Variants in TRPM6 observed in about 807,000 individuals in gnomAD.
TRPM6 encodes the protein channel kinase 2.
TRPM6 carries 111 observed loss-of-function variants against 247.6 expected under a neutral mutation model. That is an observed-to-expected ratio of 0.45 (90% CI 0.38 to 0.52). The LOEUF (loss-of-function observed/expected upper bound fraction) is 0.52, where lower values mean the gene tolerates loss of function less well. Ranked by LOEUF, TRPM6 falls within the 20% of genes least tolerant of loss-of-function variation. TRPM6 has a pLI of 0.00. For synonymous variants in TRPM6, 892 were observed against 853.8 expected, an observed-to-expected ratio of 1.04 and a Z score of -0.78; for missense variants, 2,126 against 2,421.5, an observed-to-expected ratio of 0.88 and a Z score of 2.56.
At chr9:74,774,540 T>C (rs1410249705) in intron 24 of TRPM6, among the ~76,000 whole-genome samples, 2 of 152,146 alleles carry the variant, frequency 1.3e-5, no homozygotes, top group Non-Finnish European at 2.9e-5. Flanking sequence ...CAGAGTCACC[T>C]ACCACCAGCA....
intron 3 of TRPM6, among the ~76,000 whole-genome samples, chr9:74,851,373 A>T (rs1483959047): frequency 6.6e-6 from 1 of 152,184 alleles, no homozygotes; most frequent in Non-Finnish European, 1.5e-5. Context: ...TTAGAAACAA[A>T]GAATAAAATA....
chr9:74,881,115 C>T (rs1010112034), intron 1 of TRPM6, among the ~76,000 whole-genome samples: 5 of 151,776 alleles, frequency 3.3e-5, no homozygotes, highest in East Asian at 3.9e-4. Flanking sequence ...GTCAACGTAG[C>T]GAGATCCCAT....
chr9:74,885,405 G>C (rs1333341), intron 1 of TRPM6, among the ~76,000 whole-genome samples: 62,315 of 151,890 alleles, frequency 0.41, 13,381 homozygotes, highest in East Asian at 0.5. Context: ...TAGAGATACA[G>C]ACAAATAGTA....
chr9:74,868,608 C>A (rs1352140847), intron 1 of TRPM6, among the ~76,000 whole-genome samples: 1 of 152,180 alleles, frequency 6.6e-6, no homozygotes, highest in African/African-American at 2.4e-5. Flanking sequence ...ATAAATGTTA[C>A]AATCGTAGGC....
rs1474006865 is a variant in TRPM6, at chr9:74,722,791, C to T, written c.*1822G>A. On this transcript the variant is annotated 3_prime_UTR_variant, in exon 39 of 39. Coordinates refer to ENST00000360774, the MANE Select transcript of TRPM6 (RefSeq NM_017662.5). ...CAAGTAAAAGGGGAATAAATTAGCC[C>T]TTGTGGAACTCAAACTTACAAGAAT... 3 of 152,198 alleles carry T rather than the reference C, an allele frequency of 2.0e-5. No individual in the cohort carries two copies. Among genetic ancestry groups the T allele is most frequent in the Non-Finnish European group, 4.4e-5 (3 of 68,040 alleles). 9.4% of individuals were successfully genotyped at this position (152,198 alleles called of 1,614,324 possible). A position where few individuals can be genotyped will look rare whatever the true frequency, so the allele number is the denominator to read the frequency against.
At chr9:74,817,450 C>T (rs1320236932) in intron 9 of TRPM6, among the ~76,000 whole-genome samples, 1 of 152,186 alleles carries the variant, frequency 6.6e-6, no homozygotes, top group Non-Finnish European at 1.5e-5. Flanking sequence ...CTCAGCCTCC[C>T]AAAGTGCTGG....
intron 6 of TRPM6, among the ~76,000 whole-genome samples, chr9:74,830,652 C>A (rs1375261031): frequency 1.3e-5 from 2 of 151,960 alleles, no homozygotes; most frequent in Non-Finnish European, 2.9e-5. Flanking sequence ...TCACAGCTCA[C>A]CACAACCTCA....
At chr9:74,878,430 T>A (rs147460481) in intron 1 of TRPM6, among the ~76,000 whole-genome samples, 8 of 152,274 alleles carry the variant, frequency 5.3e-5, no homozygotes, top group African/African-American at 1.7e-4. Context: ...CTGGCCCATC[T>A]TATGTCCCCA....
At chr9:74,788,048 A>T (rs114851488) in intron 20 of TRPM6, among the ~76,000 whole-genome samples, 1 of 151,930 alleles carries the variant, frequency 6.6e-6, no homozygotes, top group African/African-American at 2.4e-5. Context: ...CTCATTACGA[A>T]CTAGAAATTT....
At chr9:74,862,096 GAAAA>G (rs577562437) in intron 1 of TRPM6, among the ~76,000 whole-genome samples, 33 of 100,538 alleles carry the variant, frequency 3.3e-4, no homozygotes, top group African/African-American at 1.2e-3. Context: ...AAAACTACCA[GAAAA>G]AAAAAAAAAA....
chr9:74,839,893 G>GGAAGGAAT (rs1829864503), intron 5 of TRPM6, 131 bp downstream of exon 5: 2 of 553,958 alleles, frequency 3.6e-6, no homozygotes, highest in African/African-American at 4.1e-5. Context: ...AAGGAAGGAA[G>GGAAGGAAT]GAGGGAGGGA....
rs552606670 is a variant in TRPM6, at chr9:74,844,996, A to G, written c.153-2653T>C. 1.7e-3 allele frequency among the ~76,000 whole-genome samples: 261 copies of G among 152,366 alleles called. 1 individual carries two copies. Among genetic ancestry groups the G allele is most frequent in the African/African-American group, 5.3e-3 (220 of 41,582 alleles). The stretch of plus-strand genomic sequence containing the variant: ...GACAGGATCGGTCAGTGGAATAGTC[A>G]GAACATATATAACATTTATCTAATT... On this transcript the variant is annotated intron_variant, in intron 3 of 38. Coordinates refer to ENST00000360774, the MANE Select transcript of TRPM6 (RefSeq NM_017662.5).
In TRPM6 at chr9:74,762,160, G is replaced by C. The variant is rs777681761; in HGVS notation, c.4511C>G (p.Thr1504Arg). ...GCATTCACTACTCTGGGCCGATCTTGTTGAGTTATCAGATAGGGAGCTGTC... is the reference window on the plus strand; with the variant it reads ...GCATTCACTACTCTGGGCCGATCTTCTTGAGTTATCAGATAGGGAGCTGTC... ...AQDSSLSDNSTRSAQSSECSE... is the reference protein window; with the variant it reads ...AQDSSLSDNSRRSAQSSECSE... The change falls in exon 26 of 39, where the codon ACA becomes AGA. Residue 1504 changes from threonine (T) to arginine (R), a missense_variant. By Grantham distance (71) the Thr-to-Arg change is moderately conservative (BLOSUM62 -1). Coordinates refer to ENST00000360774, the MANE Select transcript of TRPM6 (RefSeq NM_017662.5). The C allele has an allele frequency of 1.1e-5, 18 of 1,614,112 alleles. No individual in the cohort carries two copies. The highest frequency in any genetic ancestry group is 1.5e-5 in the Non-Finnish European group (18 of 1,180,038).
intron 6 of TRPM6, among the ~76,000 whole-genome samples, chr9:74,828,874 T>TA (rs760934573): frequency 3.9e-5 from 6 of 151,980 alleles, no homozygotes; most frequent in Non-Finnish European, 8.8e-5. Context: ...TTCAAATCAT[T>TA]AAAAAACAGT....
At chr9:74,787,711 T>C (rs1345443819) in intron 20 of TRPM6, among the ~76,000 whole-genome samples, 3 of 152,304 alleles carry the variant, frequency 2.0e-5, no homozygotes, top group Non-Finnish European at 4.4e-5. Flanking sequence ...TGCTAGTTTT[T>C]GGTTTTGTTT....
At position 74,724,761 on chromosome 9, in the gene TRPM6, A is replaced by T. The variant is rs376014459; in HGVS notation, c.5936-15T>A. 6.2e-7 allele frequency: 1 copy of T among 1,613,954 alleles called. No homozygotes were observed. The highest frequency in any genetic ancestry group is 8.5e-7 in the Non-Finnish European group (1 of 1,180,008). On this transcript the variant is annotated splice_polypyrimidine_tract_variant and intron_variant, in intron 38 of 38. Transcript: ENST00000360774. ...TCTTTTTAAATCTGCAAGGAGGACA[A>T]GTAAAAAGGTTATAGTGGAACCCCA...
chr9:74,768,362 G>A (rs1826900115), intron 25 of TRPM6, among the ~76,000 whole-genome samples: 2 of 152,190 alleles, frequency 1.3e-5, no homozygotes, highest in Admixed American at 1.3e-4. Context: ...ACAATAGGCA[G>A]ATGACTCCTA....
intron 16 of TRPM6, among the ~76,000 whole-genome samples, 179 bp from the exon 17 acceptor site, chr9:74,800,661 TA>T (rs1828294055): frequency 6.7e-6 from 1 of 149,870 alleles, no homozygotes; most frequent in East Asian, 2.0e-4. Context: ...AGCAACTTAA[TA>T]ATCTTAGTTT....
Position 74,762,833 on chromosome 9 carries a change from A to C in TRPM6, c.3838T>G (p.Ser1280Ala). Reference sequence around the variant, plus strand: ...CCAGCCAGGCTCCTCAGCAAAGAAGAGGGCATGCTATAATACTGGTATTTC... The same window carrying C: ...CCAGCCAGGCTCCTCAGCAAAGAAGCGGGCATGCTATAATACTGGTATTTC... ...EKKYQYYSMP[S>A]SLLRSLAGGR... is the part of the protein sequence containing the mutation. Residue 1280 changes from serine (S) to alanine (A), a missense_variant, in exon 26 of 39, where the codon TCT (serine) becomes GCT (alanine). Physicochemically the swap from Ser to Ala is moderately conservative, Grantham distance 99 (BLOSUM62 1). Around this residue, in one of 3 missense-constraint regions of TRPM6, gnomAD observed 717 missense variants for 715.9 expected, o/e 1.00. Coordinates refer to ENST00000360774, the MANE Select transcript of TRPM6 (RefSeq NM_017662.5). The C allele has an allele frequency of 6.2e-7, 1 of 1,614,100 alleles. No homozygotes were observed. Among genetic ancestry groups the C allele is most frequent in the Non-Finnish European group, 8.5e-7 (1 of 1,180,004 alleles).
Sources: gnomAD v4.1 joint callset for allele counts (sites outside exome capture counted in the v4.1 genomes callset) on GRCh38, gnomAD v4.1.1 for gene constraint, gnomAD v4.1.1 regional missense constraint, MANE v1.5 for transcripts, NCBI Gene and HGNC (gene_info 2026-07-23, HGNC 2026-07-21) for gene names.